Variants in PRKCH observed in about 807,000 individuals in gnomAD.
PRKCH encodes the protein protein kinase C eta type.
PRKCH carries 28 observed loss-of-function variants against 82.5 expected under a neutral mutation model. The observed-to-expected ratio is 0.34, with a 90% CI of 0.25 to 0.47. The LOEUF is 0.47. PRKCH is among the 20% of genes least tolerant of loss of function. The pLI, the probability that PRKCH is intolerant of heterozygous loss-of-function variation, is 1.00. For missense variants in PRKCH, 705 were observed against 881.8 expected (o/e 0.80, Z 2.54); for synonymous variants, 322 against 327.4 (o/e 0.98, Z 0.18).
chr14:61,282,608 G>T (rs912511532), intron 1 of PRKCH, among the ~76,000 whole-genome samples: 10 of 152,074 alleles, frequency 6.6e-5, no homozygotes, highest in African/African-American at 1.9e-4. Context: ...TTTGATAGGG[G>T]ACATATTAGG....
intron 2 of PRKCH, among the ~76,000 whole-genome samples, chr14:61,436,653 C>T (rs1490766166): frequency 6.6e-6 from 1 of 152,200 alleles, no homozygotes; most frequent in Non-Finnish European, 1.5e-5. Context: ...CTGCCTCAGC[C>T]TCCTGAGTAG....
chr14:61,271,134 G>A (rs1165322967), intron 1 of PRKCH, among the ~76,000 whole-genome samples: 1 of 152,138 alleles, frequency 6.6e-6, no homozygotes, highest in African/African-American at 2.4e-5. Context: ...TAGCAAGATG[G>A]ACACTAGTGT....
chr14:61,491,803 G>T (rs1015413480), intron 10 of PRKCH, among the ~76,000 whole-genome samples: 3 of 152,210 alleles, frequency 2.0e-5, no homozygotes, highest in African/African-American at 7.2e-5. Context: ...GGATATGGAT[G>T]TAATGGTATG....
chr14:61,521,484 G>C (rs879518753), intron 10 of PRKCH, among the ~76,000 whole-genome samples: 18 of 151,966 alleles, frequency 1.2e-4, no homozygotes, highest in Admixed American at 3.9e-4. Flanking sequence ...ACATAGCAGA[G>C]ATTGAGAATT....
At chr14:61,434,264 A>G (rs3783801) in intron 2 of PRKCH, among the ~76,000 whole-genome samples, 2,201 of 152,304 alleles carry the variant, frequency 0.014, 56 homozygotes, top group East Asian at 0.14. Flanking sequence ...CCATTTTGAG[A>G]TGTTTTTCAG....
At chr14:61,300,519 A>T (rs1343898927) in intron 1 of PRKCH, among the ~76,000 whole-genome samples, 3 of 152,228 alleles carry the variant, frequency 2.0e-5, no homozygotes, top group Non-Finnish European at 4.4e-5. Context: ...AGAACACAGT[A>T]TACAGGTGCT....
At chr14:61,513,730 G>T (rs937380635) in intron 10 of PRKCH, among the ~76,000 whole-genome samples, 2 of 152,072 alleles carry the variant, frequency 1.3e-5, no homozygotes, top group Admixed American at 1.3e-4. Context: ...ATGATAGTTT[G>T]TCATACTGTC....
At chr14:61,486,862 A>G (rs886587155) in intron 10 of PRKCH, among the ~76,000 whole-genome samples, 1 of 152,166 alleles carries the variant, frequency 6.6e-6, no homozygotes, top group Non-Finnish European at 1.5e-5. Flanking sequence ...TTCCTTAGAG[A>G]AAAATTTTCG....
chr14:61,264,867 G>A (rs546544021), intron 1 of PRKCH, among the ~76,000 whole-genome samples: 67 of 152,184 alleles, frequency 4.4e-4, no homozygotes, highest in Admixed American at 1.0e-3. Context: ...GGTCCATGAC[G>A]CAGTTTGAGT....
intron 1 of PRKCH, among the ~76,000 whole-genome samples, chr14:61,285,374 A>G (rs184578969): frequency 1.6e-4 from 25 of 152,316 alleles, no homozygotes; most frequent in Admixed American, 5.2e-4. Flanking sequence ...TGCTGGCCGG[A>G]CCTTAAGGAA....
chr14:61,419,088 T>G (rs1432863945), intron 2 of PRKCH, among the ~76,000 whole-genome samples: 1 of 152,200 alleles, frequency 6.6e-6, no homozygotes, highest in Non-Finnish European at 1.5e-5. Context: ...ATTCCCTCCC[T>G]GTGTTTAATA....
rs369754545 is a variant in PRKCH, at chr14:61,291,161, C to T, written c.-19+103493C>T. On this transcript the variant is annotated intron_variant, in intron 1 of 3. Transcript: ENST00000555185. ...GTCAGTTTTATCCATAAACAAATCTCAGTAAGTCCCTTATAGAACATCTAG... is the reference window on the plus strand; with the variant it reads ...GTCAGTTTTATCCATAAACAAATCTTAGTAAGTCCCTTATAGAACATCTAG... Among the ~76,000 whole-genome samples the T allele has an allele frequency of 1.8e-4, 28 of 152,282 alleles. No individual in the cohort carries two copies. The South Asian group carries it at 5.8e-3, about 32-fold the overall frequency.
At position 61,280,365 on chromosome 14, in the gene PRKCH, C is replaced by A; in HGVS notation, c.-19+92697C>A. On this transcript the variant is annotated intron_variant, in intron 1 of 3. Coordinates refer to the PRKCH transcript ENST00000555185. The surrounding 1 kb of genome is among the most constrained non-coding windows in gnomAD (Gnocchi z 5.0). ...GGATGCGCGCGTACAGTTTGCGGAA[C>A]GTGGGCAGCGCCGCCGTGCGCATCC... The A allele has an allele frequency of 6.2e-7, 1 of 1,613,982 alleles. No homozygotes were observed. Among genetic ancestry groups the A allele is most frequent in the Non-Finnish European group, 8.5e-7 (1 of 1,179,914 alleles).
chr14:61,351,569 A>G (rs894356191), intron 1 of PRKCH, among the ~76,000 whole-genome samples: 3 of 152,228 alleles, frequency 2.0e-5, no homozygotes, highest in Non-Finnish European at 4.4e-5. Context: ...GCTTGTTAGA[A>G]GGACATATTT....
intron 1 of PRKCH, among the ~76,000 whole-genome samples, chr14:61,267,583 G>A (rs1217298946): frequency 2.0e-5 from 3 of 152,130 alleles, no homozygotes; most frequent in Admixed American, 1.3e-4. Context: ...GTTGGCATCC[G>A]GCACACTGTT....
rs184191894 is a variant in PRKCH at position 61,519,345 on chromosome 14, G to A, written c.1434-9730G>A. Reference sequence around the variant, plus strand: ...TAAATAAAATTTTTGTAGAGACAGGGTCTCACTATGTTGCCTGGGATGGTC... The same window carrying A: ...TAAATAAAATTTTTGTAGAGACAGGATCTCACTATGTTGCCTGGGATGGTC... On this transcript the variant is annotated intron_variant, in intron 10 of 13. Coordinates refer to ENST00000332981, the MANE Select transcript of PRKCH (RefSeq NM_006255.5). Among the ~76,000 whole-genome samples the A allele has an allele frequency of 2.0e-5, 3 of 152,038 alleles. No homozygotes were observed. The East Asian group carries it at 5.8e-4, about 29-fold the overall frequency.
intron 6 of PRKCH, chr14:61,452,903 G>C (rs1243298471): frequency 3.2e-6 from 1 of 311,658 alleles, no homozygotes; most frequent in Non-Finnish European, 6.0e-6. Flanking sequence ...CTACGATAAA[G>C]GTTTTAATCT....
Position 61,445,681 on chromosome 14 carries a change from CTCT to C in PRKCH, c.579-8_579-6del. 1 of 1,607,054 alleles carries C rather than the reference CTCT, an allele frequency of 6.2e-7. No homozygotes were observed. Among genetic ancestry groups the C allele is most frequent in the Non-Finnish European group, 8.5e-7 (1 of 1,173,658 alleles). ...ATACTTGACTGATGGTAGTTTTCTT[CTCT>C]TCAACAGGGGAGTGTTTGGGAAACA... On this transcript the variant is annotated splice_polypyrimidine_tract_variant and splice_region_variant and intron_variant, in intron 3 of 13. Transcript: ENST00000332981.
intron 10 of PRKCH, among the ~76,000 whole-genome samples, chr14:61,487,394 T>C (rs1206486750): frequency 1.3e-5 from 2 of 152,202 alleles, no homozygotes; most frequent in Non-Finnish European, 2.9e-5. Context: ...TTGACCAGGC[T>C]GTGGGGATTA....
Sources: allele counts gnomAD v4.1 joint callset (sites outside exome capture counted in the v4.1 genomes callset), GRCh38; gene constraint gnomAD v4.1.1; non-coding constraint Gnocchi (gnomAD v3.1); transcripts MANE v1.5; gene names NCBI Gene and HGNC (gene_info 2026-07-23, HGNC 2026-07-21).